Variants in TENM4 observed in about 807,000 individuals in gnomAD.
The protein encoded by TENM4 is teneurin-4.
A neutral mutation model predicts 243.3 loss-of-function variants in TENM4; 82 were observed. The ratio of observed to expected loss-of-function variants is 0.34; its 90% CI spans 0.28 to 0.40. The LOEUF is 0.40. TENM4 is among the 10% of genes least tolerant of loss of function. The pLI is 1.00. For missense variants in TENM4, 3,138 were observed against 3,673.3 expected, an observed-to-expected ratio of 0.85 and a Z score of 3.77; for synonymous variants, 1,412 against 1,456.3, an observed-to-expected ratio of 0.97 and a Z score of 0.69.
chr11:79,185,096 G>A (rs1406981717), intron 3 of TENM4, among the ~76,000 whole-genome samples: 1 of 152,132 alleles, frequency 6.6e-6, no homozygotes, highest in African/African-American at 2.4e-5. Context: ...CCAGGAGTTT[G>A]AGAATAGCCT....
At chr11:79,315,486 C>T (rs528841532) in intron 1 of TENM4, among the ~76,000 whole-genome samples, 1 of 152,278 alleles carries the variant, frequency 6.6e-6, no homozygotes, top group South Asian at 2.1e-4. Context: ...TGTTGTTTGG[C>T]TGCGGATAGG....
At chr11:79,142,867 G>T (rs1191468145) in intron 4 of TENM4, among the ~76,000 whole-genome samples, 1 of 151,934 alleles carries the variant, frequency 6.6e-6, no homozygotes, top group African/African-American at 2.4e-5. Flanking sequence ...AAGGTACCAA[G>T]AACACACACT....
At position 79,421,958 on chromosome 11, in the gene TENM4, G is replaced by A. The variant is rs113354383; in HGVS notation, c.-321+18551C>T. On this transcript the variant is annotated intron_variant, in intron 1 of 33. Coordinates refer to ENST00000278550, the MANE Select transcript of TENM4 (RefSeq NM_001098816.3). ...GTGCAGATACCCCTTTCAAGAGGCT[G>A]GCTAGACTGTGAGGGAAGGGCTCTT... Among the ~76,000 whole-genome samples the A allele has an allele frequency of 1.1e-3, 168 of 152,162 alleles. 2 individuals carry two copies. Among genetic ancestry groups the A allele is most frequent in the African/African-American group, 3.8e-3 (156 of 41,548 alleles).
chr11:79,181,717 A>T (rs1463526366), intron 3 of TENM4, among the ~76,000 whole-genome samples: 1 of 151,838 alleles, frequency 6.6e-6, no homozygotes, highest in Non-Finnish European at 1.5e-5. Context: ...AAAAAAAAAA[A>T]GAAAGTCCTG....
chr11:79,395,311 A>G (rs1158923298), intron 1 of TENM4, among the ~76,000 whole-genome samples: 1 of 152,188 alleles, frequency 6.6e-6, no homozygotes, highest in Non-Finnish European at 1.5e-5. Context: ...TCTAAAATTG[A>G]CACATCAGGT....
chr11:79,161,782 G>T (rs1030513610), intron 3 of TENM4, among the ~76,000 whole-genome samples: 17 of 152,190 alleles, frequency 1.1e-4, no homozygotes, highest in African/African-American at 4.1e-4. Context: ...GGTCAGTGGG[G>T]ACCCATTGAA....
chr11:79,098,616 G>A (rs1442615528), intron 4 of TENM4, among the ~76,000 whole-genome samples: 1 of 152,208 alleles, frequency 6.6e-6, no homozygotes. Context: ...CTGTACGGAA[G>A]AAAAGCAGAC....
chr11:79,231,790 A>G (rs1864378420), intron 2 of TENM4, among the ~76,000 whole-genome samples: 1 of 152,224 alleles, frequency 6.6e-6, no homozygotes, highest in Non-Finnish European at 1.5e-5. Context: ...TGAATACTCC[A>G]AGAGGGGGCC....
intron 12 of TENM4, among the ~76,000 whole-genome samples, chr11:78,832,323 GT>G (rs1858003675): frequency 6.6e-6 from 1 of 152,156 alleles, no homozygotes; most frequent in Non-Finnish European, 1.5e-5. Context: ...CCCAATTGTT[GT>G]TTTTAATGCT....
At chr11:79,114,250 C>T (rs933978551) in intron 4 of TENM4, among the ~76,000 whole-genome samples, 1 of 152,032 alleles carries the variant, frequency 6.6e-6, no homozygotes, top group East Asian at 1.9e-4. Context: ...ACAATCTTAA[C>T]TATGTTACAT....
At position 78,908,891 on chromosome 11, in the gene TENM4, G is replaced by A. The variant is rs180928763; in HGVS notation, c.494-5368C>T. Among the ~76,000 whole-genome samples the A allele has an allele frequency of 7.6e-4, 116 of 152,342 alleles. 1 individual carries two copies. The highest frequency in any genetic ancestry group is 2.6e-3 in the African/African-American group (107 of 41,576). On this transcript the variant is annotated intron_variant, in intron 6 of 33. Transcript: ENST00000278550. Reference sequence around the variant, plus strand: ...AGCCCCTTGTTGTATGCAGGGACTTGATGGATTAAAAGATGGGGATAAGCC... The same window carrying A: ...AGCCCCTTGTTGTATGCAGGGACTTAATGGATTAAAAGATGGGGATAAGCC...
At chr11:79,086,009 C>A (rs1355984763) in intron 4 of TENM4, among the ~76,000 whole-genome samples, 1 of 152,172 alleles carries the variant, frequency 6.6e-6, no homozygotes, top group Admixed American at 6.5e-5. Flanking sequence ...TACTAAGTCA[C>A]CAGAACGACT....
chr11:79,417,226 T>A (rs912220828), intron 1 of TENM4, among the ~76,000 whole-genome samples: 2 of 152,340 alleles, frequency 1.3e-5, no homozygotes, highest in African/African-American at 4.8e-5. Context: ...AAAACATGTC[T>A]AGAGTTTCCT....
chr11:78,878,737 C>G lies in TENM4; in HGVS notation c.1084+11048G>C, dbSNP rs543534728. Among the ~76,000 whole-genome samples the G allele has an allele frequency of 1.1e-4, 16 of 152,324 alleles. No individual in the cohort carries two copies. In the South Asian group the frequency reaches 1.2e-3, roughly 12 times the overall value. ...TCCTACCCTTCTGAAGAGGATCTAG[C>G]AGTGAGTAACAGAGCTGTTCACGCC... On this transcript the variant is annotated intron_variant, in intron 9 of 33. Transcript: ENST00000278550.
At chr11:79,269,775 G>C (rs1008767245) in intron 2 of TENM4, 1 of 152,268 alleles carries the variant, frequency 6.6e-6, no homozygotes, top group Non-Finnish European at 1.5e-5. Flanking sequence ...AGAGACAATG[G>C]CCCAGATCTG....
Position 79,321,591 on chromosome 11 carries a change from A to G in TENM4, c.-320-24048T>C, listed in dbSNP as rs565621397. Reference sequence around the variant, plus strand: ...GAAGCAGGCGATCTCAGTTCAAACAACTCGTCACTGGGTGCCTGTGATGAC... The same window carrying G: ...GAAGCAGGCGATCTCAGTTCAAACAGCTCGTCACTGGGTGCCTGTGATGAC... On this transcript the variant is annotated intron_variant, in intron 1 of 33. Transcript: ENST00000278550. 4.1e-5 allele frequency among the ~76,000 whole-genome samples: 6 copies of G among 147,598 alleles called. No individual in the cohort carries two copies. The South Asian group carries it at 8.7e-4, about 22-fold the overall frequency.
chr11:78,724,270 T>C (rs184173704), intron 23 of TENM4, among the ~76,000 whole-genome samples: 22 of 152,226 alleles, frequency 1.4e-4, no homozygotes, highest in African/African-American at 5.1e-4. Flanking sequence ...AAACAATTAT[T>C]TTAGTAGAGA....
intron 18 of TENM4, among the ~76,000 whole-genome samples, chr11:78,763,974 G>A (rs1856487671): frequency 9.9e-6 from 1 of 100,692 alleles, no homozygotes; most frequent in South Asian, 2.9e-4. Context: ...CTTCCTGTTT[G>A]TTGTGTGACC....
At chr11:79,108,877 C>T (rs7944550) in intron 4 of TENM4, among the ~76,000 whole-genome samples, 2,054 of 152,198 alleles carry the variant, frequency 0.013, 46 homozygotes, top group African/African-American at 0.046. Flanking sequence ...TGTCTGCTTT[C>T]CCTTCTCTTA....
Sources: gnomAD v4.1 joint callset for allele counts (sites outside exome capture counted in the v4.1 genomes callset) on GRCh38, gnomAD v4.1.1 for gene constraint, MANE v1.5 for transcripts, NCBI Gene and HGNC (gene_info 2026-07-23, HGNC 2026-07-21) for gene names.